The following KAT6A variants were observed in gnomAD, a reference collection of about 807,000 sequenced individuals.
KAT6A encodes the protein lysine acetyltransferase 6A, also known as histone acetyltransferase KAT6A.
Under a neutral mutation model 198.4 loss-of-function variants are expected in KAT6A, and 9 were observed. The ratio of observed to expected loss-of-function variants is 0.05; its 90% confidence interval spans 0.03 to 0.08. The LOEUF (loss-of-function observed/expected upper bound fraction) is 0.08. KAT6A is among the 10% of genes least tolerant of loss of function. The pLI is 1.00. For synonymous variants in KAT6A, 890 were observed against 883.0 expected, an observed-to-expected ratio of 1.01 and a Z score of -0.14; for missense variants, 2,077 against 2,509.9, an observed-to-expected ratio of 0.83 and a Z score of 3.69.
intron 4 of KAT6A, 23 bp from the exon 5 acceptor site, chr8:41,980,950 GT>G (rs778365631): frequency 6.5e-7 from 1 of 1,535,818 alleles, no homozygotes; most frequent in African/African-American, 1.4e-5. Context: ...AGAAAGGACA[GT>G]TTTGCTTAAC....
chr8:41,945,697 C>T lies in KAT6A; in HGVS notation c.1996+894G>A, dbSNP rs184203884. Reference sequence around the variant, plus strand: ...GAAATTAAAGGTATGTGCTACACATCACACAAAATTTTATTCAATATTAGC... The same window carrying T: ...GAAATTAAAGGTATGTGCTACACATTACACAAAATTTTATTCAATATTAGC... On this transcript the variant is annotated intron_variant, in intron 12 of 16. Transcript: ENST00000265713. Among the ~76,000 whole-genome samples, 942 of 152,044 alleles carry T rather than the reference C, an allele frequency of 6.2e-3. 6 individuals carry two copies. The highest frequency in any genetic ancestry group is 8.4e-3 in the Non-Finnish European group (574 of 67,992).
At position 41,943,951 on chromosome 8, in the gene KAT6A, T is replaced by C. The variant is rs551251668; in HGVS notation, c.2025A>G (p.Gln675=). 29 of 1,614,002 alleles carry C rather than the reference T, an allele frequency of 1.8e-5. 1 individual carries two copies. The South Asian group carries it at 2.2e-4, about 12-fold the overall frequency. ...FSYLLSKREG[Q]AGSPEKPLSD... ...ATAACGGTTTCTCTGGAGACCCTGC[T>C]TGGCCTTCACGCTTTGATAACAAAT... is the stretch of plus-strand genomic sequence containing the variant. The change falls in exon 13 of 17, where the codon CAA becomes CAG. Residue 675 remains glutamine, a synonymous_variant. Transcript: ENST00000265713.
At chr8:41,968,689 T>C (rs1823631035) in intron 8 of KAT6A, among the ~76,000 whole-genome samples, 1 of 152,180 alleles carries the variant, frequency 6.6e-6, no homozygotes, top group African/African-American at 2.4e-5. Context: ...TGCTTCTTTC[T>C]ACTGACAGAG....
At chr8:41,970,542 G>A (rs1352753936) in intron 8 of KAT6A, among the ~76,000 whole-genome samples, 1 of 152,076 alleles carries the variant, frequency 6.6e-6, no homozygotes, top group Non-Finnish European at 1.5e-5. Flanking sequence ...AATATTTACT[G>A]AGCCTTTACT....
At position 41,934,609 on chromosome 8, in the gene KAT6A, A is replaced by T; in HGVS notation, c.3611T>A (p.Ile1204Asn). ...SIPKAGRKPK[I>N]QESEETVEPK... ...CTCAACAGTTTCTTCACTCTCCTGG[A>T]TCTTGGGTTTACGTCCAGCTTTAGG... Residue 1204 changes from isoleucine (I) to asparagine (N), a missense_variant, in exon 17 of 17, where the codon ATC (isoleucine) becomes AAC (asparagine). By Grantham distance (149) the Ile-to-Asn change is moderately radical (BLOSUM62 -3). Coordinates refer to ENST00000265713, the MANE Select transcript of KAT6A (RefSeq NM_006766.5). 1.2e-6 allele frequency: 2 copies of T among 1,613,706 alleles called. No homozygotes were observed. The highest frequency in any genetic ancestry group is 1.7e-6 in the Non-Finnish European group (2 of 1,179,952).
At chr8:41,984,775 G>A (rs951977097) in intron 3 of KAT6A, among the ~76,000 whole-genome samples, 5 of 152,032 alleles carry the variant, frequency 3.3e-5, no homozygotes, top group African/African-American at 7.2e-5. Context: ...TCAGGAGATC[G>A]AGACCATCCT....
At chr8:41,984,498 T>C (rs1386106975) in intron 3 of KAT6A, among the ~76,000 whole-genome samples, 1 of 152,132 alleles carries the variant, frequency 6.6e-6, no homozygotes, top group Non-Finnish European at 1.5e-5. Context: ...AGTTAAAATC[T>C]TGGCAGCAAC....
chr8:42,007,603 AAGTTG>A (rs1230391449), intron 2 of KAT6A, among the ~76,000 whole-genome samples: 1 of 152,174 alleles, frequency 6.6e-6, no homozygotes, highest in Admixed American at 6.5e-5. Flanking sequence ...ATGAGAGATG[AAGTTG>A]AGTTAACTTT....
chr8:42,040,865 G>A (rs972691067), intron 2 of KAT6A, among the ~76,000 whole-genome samples: 8 of 151,576 alleles, frequency 5.3e-5, no homozygotes, highest in African/African-American at 1.9e-4. Flanking sequence ...GGTATGTCAT[G>A]CACTGAAAAT....
chr8:41,940,243 A>G (rs1324434460), intron 15 of KAT6A, among the ~76,000 whole-genome samples: 3 of 152,238 alleles, frequency 2.0e-5, no homozygotes, highest in Non-Finnish European at 4.4e-5. Context: ...ACATTATTTA[A>G]TAACTAATTG....
rs1821548531 is a variant in KAT6A, at chr8:41,931,643, ATAATAT to A, written c.*556_*561del. 1 of 184,880 alleles carries A rather than the reference ATAATAT, an allele frequency of 5.4e-6. No homozygotes were observed. Among genetic ancestry groups the A allele is most frequent in the East Asian group, 8.8e-5 (1 of 11,412 alleles). The allele number at this position is 184,880 out of a possible 1,614,324, so 11.5% of individuals were successfully genotyped here. A position where few individuals can be genotyped will look rare whatever the true frequency, so the allele number is the denominator to read the frequency against. On this transcript the variant is annotated 3_prime_UTR_variant, in exon 17 of 17. Transcript: ENST00000265713. ...CCTCACTTTATTAATAATAATAATA[ATAATAT>A]TAACAATAATAATAAGTTTAAGGAG...
intron 2 of KAT6A, among the ~76,000 whole-genome samples, chr8:42,019,081 G>A (rs918981179): frequency 6.6e-6 from 1 of 152,022 alleles, no homozygotes; most frequent in Non-Finnish European, 1.5e-5. Context: ...ACACAAAAAG[G>A]CAACATATCA....
In KAT6A at chr8:41,973,094, G is replaced by A. The variant is rs558398835; in HGVS notation, c.1482+1610C>T. On this transcript the variant is annotated intron_variant, in intron 8 of 16. Transcript: ENST00000265713. ...ATACAGCAGAATGCTGAGTAAATGC[G>A]TGCTGAGTATTTGTACTGCTGTTTT... Among the ~76,000 whole-genome samples the A allele has an allele frequency of 1.2e-3, 188 of 152,318 alleles. 1 individual carries two copies. The highest frequency in any genetic ancestry group is 2.9e-3 in the South Asian group (14 of 4,826).
Position 41,941,055 on chromosome 8 carries a change from C to A in KAT6A, c.2826G>T (p.Glu942Asp), listed in dbSNP as rs200079318. 7.4e-6 allele frequency: 12 copies of A among 1,614,210 alleles called. No homozygotes were observed. The highest frequency in any genetic ancestry group is 2.2e-5 in the East Asian group (1 of 44,868). ...GCTGTCCTCGCCAGGGCTCAACCCC[C>A]TCACTGAGTCTTCTCTTGGGAAGGT... ...KPDLPKRRLS[E>D]GVEPWRGQLK... Residue 942 changes from glutamate to aspartate, a missense_variant, in exon 15 of 17, where the codon GAG becomes GAT. Coordinates refer to ENST00000265713, the MANE Select transcript of KAT6A (RefSeq NM_006766.5).
chr8:41,948,873 CAAT>C (rs1167960000), intron 10 of KAT6A, among the ~76,000 whole-genome samples: 1 of 151,634 alleles, frequency 6.6e-6, no homozygotes, highest in Non-Finnish European at 1.5e-5. Context: ...CTACTAACAG[CAAT>C]AGAGAATCAC....
chr8:41,944,419 A>G (rs1050833194), intron 12 of KAT6A, among the ~76,000 whole-genome samples: 2 of 152,194 alleles, frequency 1.3e-5, no homozygotes, highest in Non-Finnish European at 2.9e-5. Flanking sequence ...TTAGATGACA[A>G]TCTTTCACTT....
At position 41,930,168 on chromosome 8, in the gene KAT6A, A is replaced by G. The variant is rs900643647; in HGVS notation, c.*2037T>C. ...AAACCAAACACAACCGCAAACCAAC[A>G]GAAACTGATTTCACGGCCCTCATTT... On this transcript the variant is annotated 3_prime_UTR_variant, in exon 17 of 17. Coordinates refer to ENST00000265713, the MANE Select transcript of KAT6A (RefSeq NM_006766.5). The G allele has an allele frequency of 3.6e-5, 8 of 222,254 alleles. No individual in the cohort carries two copies. The highest frequency in any genetic ancestry group is 6.2e-5 in the Admixed American group (1 of 16,186). 13.8% of individuals were successfully genotyped at this position (222,254 alleles called of 1,614,324 possible). A position where few individuals can be genotyped will look rare whatever the true frequency, so the allele number is the denominator to read the frequency against.
intron 8 of KAT6A, among the ~76,000 whole-genome samples, chr8:41,962,182 C>T (rs1345727261): frequency 1.3e-5 from 2 of 152,122 alleles, no homozygotes; most frequent in African/African-American, 4.8e-5. Context: ...TTCTTCTCTT[C>T]TCCCTTGGTG....
Position 41,932,090 on chromosome 8 carries a change from T to A in KAT6A, c.*115A>T. The A allele has an allele frequency of 9.8e-7, 1 of 1,016,230 alleles. No homozygotes were observed. The highest frequency in any genetic ancestry group is 1.3e-6 in the Non-Finnish European group (1 of 773,550). The allele number at this position is 1,016,230 out of a possible 1,614,324, so 63.0% of individuals were successfully genotyped here. The stretch of plus-strand genomic sequence containing the variant: ...ATAAAATAAACCAAAGAAAAATTCC[T>A]CTAAATCTACAGCAATATTTTAACT... On this transcript the variant is annotated 3_prime_UTR_variant, in exon 17 of 17. Transcript: ENST00000265713.
Sources: allele counts gnomAD v4.1 joint callset (sites outside exome capture counted in the v4.1 genomes callset), GRCh38; gene constraint gnomAD v4.1.1; transcripts MANE v1.5; gene names NCBI Gene and HGNC (gene_info 2026-07-23, HGNC 2026-07-21).